Variants in ANO4 observed in about 807,000 individuals in gnomAD.
ANO4 encodes the protein anoctamin-4.
Under a neutral mutation model 141.9 loss-of-function variants are expected in ANO4, and 69 were observed. The observed-to-expected ratio is 0.49, with a 90% CI of 0.40 to 0.59. The LOEUF (loss-of-function observed/expected upper bound fraction) is 0.59, where lower values mean the gene tolerates loss of function less well. Ranked by LOEUF, ANO4 falls within the 20% of genes least tolerant of loss-of-function variation. The probability of loss-of-function intolerance (pLI) is 0.00; values close to 1 mark genes in which losing one functional copy is unlikely to be tolerated. For missense variants in ANO4, 894 were observed against 1,162.2 expected, an observed-to-expected ratio of 0.77 and a Z score of 3.36; for synonymous variants, 350 against 394.3, an observed-to-expected ratio of 0.89 and a Z score of 1.33.
intron 9 of ANO4, among the ~76,000 whole-genome samples, chr12:101,032,113 G>A (rs190271468): frequency 3.0e-4 from 45 of 152,086 alleles, no homozygotes; most frequent in African/African-American, 6.7e-4. Context: ...AAAGAAGACC[G>A]CATACAGCCA....
chr12:100,793,944 T>C (rs994775539), upstream of ANO4, among the ~76,000 whole-genome samples: 3 of 152,210 alleles, frequency 2.0e-5, no homozygotes, highest in Admixed American at 2.0e-4. Context: ...TCAGAATTTC[T>C]CAATTTTCAG....
intron 8 of ANO4, among the ~76,000 whole-genome samples, chr12:100,989,764 TGG>T (rs1338567875): frequency 1.7e-4 from 25 of 150,508 alleles, no homozygotes; most frequent in African/African-American, 4.9e-4. Context: ...GATGGATGGA[TGG>T]ATGGATGGAT....
chr12:101,111,866 ATAATAATAACACTG>A (rs2050678824), intron 24 of ANO4, among the ~76,000 whole-genome samples, 156 bp downstream of exon 24: 1 of 152,156 alleles, frequency 6.6e-6, no homozygotes, highest in Non-Finnish European at 1.5e-5. Context: ...ATTATAAATA[ATAATAATAACACTG>A]TCAGCCAAAG....
intron 2 of ANO4, among the ~76,000 whole-genome samples, chr12:100,919,666 G>GTC (rs974710041): frequency 1.6e-4 from 22 of 138,952 alleles, no homozygotes; most frequent in African/African-American, 4.6e-4. Flanking sequence ...CTTGGGACAT[G>GTC]TCTCTGTGTG....
At chr12:100,963,318 C>A (rs1332539717) in intron 5 of ANO4, among the ~76,000 whole-genome samples, 2 of 152,124 alleles carry the variant, frequency 1.3e-5, no homozygotes, top group African/African-American at 4.8e-5. Flanking sequence ...GGATGAAGTC[C>A]TCAGGGACCT....
At chr12:100,827,585 C>T (rs995495156) in intron 1 of ANO4, among the ~76,000 whole-genome samples, 10 of 151,710 alleles carry the variant, frequency 6.6e-5, no homozygotes, top group Admixed American at 5.9e-4. Context: ...TATCTGTCAG[C>T]TGACTAAATG....
In ANO4 at chr12:100,875,488, ATAAC is replaced by A. The variant is rs1042042372; in HGVS notation, c.-140-26153_-140-26150del. On this transcript the variant is annotated intron_variant, in intron 1 of 27. Coordinates refer to ENST00000392977, the MANE Select transcript of ANO4 (RefSeq NM_001286615.2). The stretch of plus-strand genomic sequence containing the variant: ...GAAAAGAAGGAACTGGGTTTGGTGA[ATAAC>A]TAACCACAATGATGATAAACTTTTA... Among the ~76,000 whole-genome samples, 13 of 152,320 alleles carry A rather than the reference ATAAC, an allele frequency of 8.5e-5. 1 individual carries two copies. The highest frequency in any genetic ancestry group is 2.1e-4 in the South Asian group (1 of 4,826).
rs527748107 is a variant in ANO4, at chr12:101,088,585, T to C, written c.1701+1761T>C. ...GTCTGGAACAGGGCCTGGCACATAGTAGATGCTGTGTAAATTGTTGTTGCT... is the reference window on the plus strand; with the variant it reads ...GTCTGGAACAGGGCCTGGCACATAGCAGATGCTGTGTAAATTGTTGTTGCT... On this transcript the variant is annotated intron_variant, in intron 17 of 27. Transcript: ENST00000392977. 2.0e-5 allele frequency among the ~76,000 whole-genome samples: 3 copies of C among 152,198 alleles called. No homozygotes were observed. The South Asian group carries it at 6.2e-4, about 32-fold the overall frequency.
intron 3 of ANO4, among the ~76,000 whole-genome samples, chr12:100,924,808 G>A (rs2041792833): frequency 6.6e-6 from 1 of 152,008 alleles, no homozygotes; most frequent in Admixed American, 6.6e-5. Flanking sequence ...TTAAATTTAA[G>A]GAGTGGGGGC....
intron 3 of ANO4, among the ~76,000 whole-genome samples, chr12:100,922,774 T>G (rs187390435): frequency 2.4e-4 from 36 of 152,148 alleles, no homozygotes; most frequent in Admixed American, 2.1e-3. Context: ...GTATCTGGAG[T>G]CATTGATGAT....
chr12:100,814,285 T>C (rs1280471753), intron 1 of ANO4, among the ~76,000 whole-genome samples: 1 of 152,194 alleles, frequency 6.6e-6, no homozygotes, highest in African/African-American at 2.4e-5. Flanking sequence ...CAATAAGTTA[T>C]AGTAAGTTTA....
intron 15 of ANO4, among the ~76,000 whole-genome samples, chr12:101,080,150 T>C (rs2049187757): frequency 6.6e-6 from 1 of 152,248 alleles, no homozygotes; most frequent in Non-Finnish European, 1.5e-5. Context: ...TGTGTTTTCC[T>C]TGAAGGGAAC....
At chr12:101,073,566 T>TATAATAATAATA (rs55723203) in intron 14 of ANO4, among the ~76,000 whole-genome samples, 41,978 of 143,292 alleles carry the variant, frequency 0.29, 6,506 homozygotes, top group East Asian at 0.52. Flanking sequence ...GAACTTAAAG[T>TATAATAATAATA]ATAATAATAA....
Position 100,942,382 on chromosome 12 carries a change from G to C in ANO4, c.303G>C (p.Val101=). The part of the protein sequence containing the change: ...ASRLEAGGET[V]PERNKSNGLY... ...CCCTTTCTCTTTGTGTGCAGACAGT[G>C]CCAGAAAGAAACAAATCAAATGGAC... Residue 101 remains valine, a synonymous_variant, in exon 5 of 28, where the codon GTG becomes GTC. Coordinates refer to ENST00000392977, the MANE Select transcript of ANO4 (RefSeq NM_001286615.2). The C allele has an allele frequency of 6.2e-7, 1 of 1,613,574 alleles. No individual in the cohort carries two copies. The highest frequency in any genetic ancestry group is 8.5e-7 in the Non-Finnish European group (1 of 1,179,790).
Position 100,942,449 on chromosome 12 carries a change from G to A in ANO4, c.370G>A (p.Val124Met). 6.2e-7 allele frequency: 1 copy of A among 1,614,060 alleles called. No individual in the cohort carries two copies. The highest frequency in any genetic ancestry group is 8.5e-7 in the Non-Finnish European group (1 of 1,179,990). The change falls in exon 5 of 28, where the codon GTG (valine) becomes ATG (methionine). Residue 124 changes from valine (V) to methionine (M), a missense_variant. Transcript: ENST00000392977. ...AAAGTGTCGAATTGACTACATCCTT[G>A]TGTACAGAAAATCCAACCCCCAGAC... is the stretch of plus-strand genomic sequence containing the variant. ...DGKCRIDYIL[V>M]YRKSNPQTEK...
At chr12:100,813,172 T>C (rs2035544729) in intron 1 of ANO4, among the ~76,000 whole-genome samples, 1 of 152,140 alleles carries the variant, frequency 6.6e-6, no homozygotes, top group South Asian at 2.1e-4. Flanking sequence ...CTGACTTGCC[T>C]AGCAAAGACA....
At position 100,946,280 on chromosome 12, in the gene ANO4, T is replaced by C. The variant is rs1454016381; in HGVS notation, c.456+3745T>C. The stretch of plus-strand genomic sequence containing the variant: ...TGACATAGGAAGCCACTGGAGAGAT[T>C]TGAGCAGAAATATAAGATCTGTTTT... On this transcript the variant is annotated intron_variant, in intron 5 of 27. Transcript: ENST00000392977. 2.0e-5 allele frequency among the ~76,000 whole-genome samples: 3 copies of C among 152,178 alleles called. No individual in the cohort carries two copies. In the East Asian group the frequency reaches 5.8e-4, roughly 29 times the overall value.
chr12:101,127,105 C>A (rs764482320), intron 27 of ANO4, 31 bp downstream of exon 27: 5 of 1,584,230 alleles, frequency 3.2e-6, no homozygotes, highest in South Asian at 1.1e-5. Context: ...GCGTCTGAGG[C>A]CATTCCGAGG....
At chr12:100,822,381 C>T (rs890316699) in intron 1 of ANO4, among the ~76,000 whole-genome samples, 10 of 151,976 alleles carry the variant, frequency 6.6e-5, no homozygotes, top group Non-Finnish European at 1.3e-4. Flanking sequence ...CGAAGAAAAT[C>T]AAGAGCTCCA....
Sources: gnomAD v4.1 joint callset for allele counts (sites outside exome capture counted in the v4.1 genomes callset) on GRCh38, gnomAD v4.1.1 for gene constraint, MANE v1.5 for transcripts, NCBI Gene and HGNC (gene_info 2026-07-23, HGNC 2026-07-21) for gene names.